SCN4B: variants seen among roughly 807,000 people sequenced by gnomAD.
The protein encoded by SCN4B is sodium voltage-gated channel beta subunit 4, also known as sodium channel regulatory subunit beta-4.
In SCN4B, 20 loss-of-function variants were observed where a neutral mutation model predicts 19.6. The observed-to-expected ratio is 1.02, with a 90% CI of 0.72 to 1.48. The LOEUF (loss-of-function observed/expected upper bound fraction) is 1.48, where lower values mean the gene tolerates loss of function less well. Among genes scored for constraint, SCN4B ranks in the 40% most tolerant of loss-of-function variants. The pLI, the probability that SCN4B is intolerant of heterozygous loss-of-function variation, is 0.00. For missense variants in SCN4B, 271 were observed against 287.5 expected, an observed-to-expected ratio of 0.94 and a Z score of 0.42; for synonymous variants, 127 against 122.8, an observed-to-expected ratio of 1.03 and a Z score of -0.22.
rs1331545083 is a variant in SCN4B at position 118,136,734 on chromosome 11, C to G, written c.*293G>C. On this transcript the variant is annotated 3_prime_UTR_variant, in exon 5 of 5. Coordinates refer to ENST00000324727, the MANE Select transcript of SCN4B (RefSeq NM_174934.4). ...GCAGGGTAGGGAGACTGAAGGAGAC[C>G]CCATCTGCCCAGGTGTCAGGGGACC... The G allele has an allele frequency of 1.8e-6, 1 of 549,416 alleles. No individual in the cohort carries two copies. Among genetic ancestry groups the G allele is most frequent in the East Asian group, 4.4e-5 (1 of 22,972 alleles). 34.0% of individuals were successfully genotyped at this position (549,416 alleles called of 1,614,324 possible).
intron 1 of SCN4B, 175 bp from the exon 2 acceptor site, chr11:118,145,404 T>G: frequency 2.0e-6 from 3 of 1,525,848 alleles, no homozygotes; most frequent in Non-Finnish European, 1.8e-6. Flanking sequence ...CCACCCTCCA[T>G]CATTCTCCAT....
At chr11:118,140,486 G>A (rs1948081290) in intron 4 of SCN4B, among the ~76,000 whole-genome samples, 2 of 152,188 alleles carry the variant, frequency 1.3e-5, no homozygotes, top group African/African-American at 4.8e-5. Context: ...GTTCCAATGG[G>A]AAGCCATCTC....
rs375422325 is a variant in SCN4B, at chr11:118,148,372, G to T, written c.62-3143C>A. ...TCCTATGAGGCTGCTCTGGGGGAGAGGGGGGAACCAGGGGCAGGTGTTGGT... is the reference window on the plus strand; with the variant it reads ...TCCTATGAGGCTGCTCTGGGGGAGATGGGGGAACCAGGGGCAGGTGTTGGT... On this transcript the variant is annotated intron_variant, in intron 1 of 4. Coordinates refer to ENST00000324727, the MANE Select transcript of SCN4B (RefSeq NM_174934.4). The surrounding 1 kb of genome is among the most constrained non-coding windows in gnomAD (Gnocchi z 4.0). Among the ~76,000 whole-genome samples the T allele has an allele frequency of 1.8e-3, 270 of 152,302 alleles. 1 individual carries two copies. The highest frequency in any genetic ancestry group is 6.1e-3 in the African/African-American group (255 of 41,556).
chr11:118,148,617 C>T lies in SCN4B; in HGVS notation c.62-3388G>A, dbSNP rs973288971. Among the ~76,000 whole-genome samples, 2 of 152,158 alleles carry T rather than the reference C, an allele frequency of 1.3e-5. No homozygotes were observed. Among genetic ancestry groups the T allele is most frequent in the Admixed American group, 6.5e-5 (1 of 15,280 alleles). On this transcript the variant is annotated intron_variant, in intron 1 of 4. Transcript: ENST00000324727. The surrounding 1 kb of genome is among the most constrained non-coding windows in gnomAD (Gnocchi z 4.0). The stretch of plus-strand genomic sequence containing the variant: ...GATTATAAAACACAAGAGGGGCCGC[C>T]GTGAGTGGGCACCCTGCAGGTAGAG...
In SCN4B at chr11:118,136,715, T is replaced by C. The variant is rs1365094304; in HGVS notation, c.*312A>G. 1.9e-6 allele frequency: 1 copy of C among 517,096 alleles called. No homozygotes were observed. The highest frequency in any genetic ancestry group is 1.5e-5 in the South Asian group (1 of 65,026). The allele number at this position is 517,096 out of a possible 1,614,324, so 32.0% of individuals were successfully genotyped here. A position where few individuals can be genotyped will look rare whatever the true frequency, so the allele number is the denominator to read the frequency against. On this transcript the variant is annotated 3_prime_UTR_variant, in exon 5 of 5. Transcript: ENST00000324727. ...AAATCAAGGCCCTGCTTGTGCAGGG[T>C]AGGGAGACTGAAGGAGACCCCATCT...
Position 118,136,855 on chromosome 11 carries a change from T to G in SCN4B, c.*172A>C. On this transcript the variant is annotated 3_prime_UTR_variant, in exon 5 of 5. Coordinates refer to ENST00000324727, the MANE Select transcript of SCN4B (RefSeq NM_174934.4). The stretch of plus-strand genomic sequence containing the variant: ...TCCCTTGTCCCTGGGGAGCCCTGAC[T>G]GGGAAGGGGATGGGCAGGCTGGGCA... The G allele has an allele frequency of 1.4e-6, 1 of 691,368 alleles. No homozygotes were observed. The highest frequency in any genetic ancestry group is 2.7e-6 in the Non-Finnish European group (1 of 377,308). 42.8% of individuals were successfully genotyped at this position (691,368 alleles called of 1,614,324 possible).
In SCN4B at chr11:118,152,709, G is replaced by C. The variant is rs144902867; in HGVS notation, c.-36C>G. ...TCTCCGGAGCGCGCGGGGGTCGCGG[G>C]GATGGGATACTGGGCACAGCCGCGC... On this transcript the variant is annotated 5_prime_UTR_variant, in exon 1 of 5. Coordinates refer to ENST00000324727, the MANE Select transcript of SCN4B (RefSeq NM_174934.4). The C allele has an allele frequency of 5.8e-5, 91 of 1,557,214 alleles. No individual in the cohort carries two copies. The highest frequency in any genetic ancestry group is 7.2e-5 in the Non-Finnish European group (82 of 1,138,578).
rs752829551 is a variant in SCN4B, at chr11:118,145,173, C to T, written c.118G>A (p.Asp40Asn). The change falls in exon 2 of 5, where the codon GAC becomes AAC. Residue 40 changes from aspartate (D) to asparagine (N), a missense_variant. Asp to Asn is a conservative substitution (Grantham distance 23). Transcript: ENST00000324727. Reference protein sequence around the residue: ...SLEVSVGKATDIYAVNGTEIL... With the variant: ...SLEVSVGKATNIYAVNGTEIL... ...TCCGTGCCATTGACAGCGTAGATGT[C>T]GGTGGCCTTTCCCACAGACACCTCC... 1.2e-6 allele frequency: 2 copies of T among 1,614,068 alleles called. No individual in the cohort carries two copies. The highest frequency in any genetic ancestry group is 1.1e-5 in the South Asian group (1 of 91,064).
At chr11:118,139,137 G>A (rs1304716328) in intron 4 of SCN4B, among the ~76,000 whole-genome samples, 3 of 152,198 alleles carry the variant, frequency 2.0e-5, no homozygotes, top group East Asian at 3.9e-4. Context: ...GTCCCCAAGT[G>A]TCTGTCCCCA....
Position 118,136,138 on chromosome 11 carries a change from C to T in SCN4B, c.*889G>A, listed in dbSNP as rs113579428. The T allele has an allele frequency of 0.011, 4,913 of 450,230 alleles. 47 individuals are homozygous for T. The highest frequency in any genetic ancestry group is 0.016 in the Non-Finnish European group (3,507 of 225,998). 27.9% of individuals were successfully genotyped at this position (450,230 alleles called of 1,614,324 possible). On this transcript the variant is annotated 3_prime_UTR_variant, in exon 5 of 5. Transcript: ENST00000324727. ...CTGGGCTCAGGAGTGCCCAGAGTGGCGATGGTCCTGCCATGCCAGGGGAGG... is the reference window on the plus strand; with the variant it reads ...CTGGGCTCAGGAGTGCCCAGAGTGGTGATGGTCCTGCCATGCCAGGGGAGG...
chr11:118,144,452 A>AAG (rs1948142765), intron 2 of SCN4B, among the ~76,000 whole-genome samples: 2 of 152,054 alleles, frequency 1.3e-5, no homozygotes, highest in South Asian at 4.1e-4. Context: ...GCCCCCTGTC[A>AAG]AGACCTGGAT....
intron 1 of SCN4B, among the ~76,000 whole-genome samples, chr11:118,151,153 T>A (rs1479036684): frequency 1.5e-5 from 2 of 134,888 alleles, no homozygotes; most frequent in African/African-American, 6.0e-5. Flanking sequence ...CACACACACA[T>A]CATTTTCAGG....
chr11:118,136,035 G>GGT lies in SCN4B; in HGVS notation c.*990_*991dup, dbSNP rs1947992935. The GGT allele has an allele frequency of 7.8e-6, 3 of 382,556 alleles. No individual in the cohort carries two copies. Among genetic ancestry groups the GGT allele is most frequent in the East Asian group, 1.5e-4 (2 of 13,656 alleles). The allele number at this position is 382,556 out of a possible 1,614,324, so 23.7% of individuals were successfully genotyped here. ...GGGGGCAGGGCGTGATGGAGGGCAC[G>GGT]GTGGGGGGGGGGGAGCGAGCCAATG... On this transcript the variant is annotated 3_prime_UTR_variant, in exon 5 of 5. Coordinates refer to ENST00000324727, the MANE Select transcript of SCN4B (RefSeq NM_174934.4).
At position 118,134,533 on chromosome 11, in the gene SCN4B, A is replaced by C. The variant is rs1195929820; in HGVS notation, c.*2494T>G. 4 of 454,128 alleles carry C rather than the reference A, an allele frequency of 8.8e-6. No individual in the cohort carries two copies. The highest frequency in any genetic ancestry group is 6.2e-5 in the South Asian group (4 of 64,484). 28.1% of individuals were successfully genotyped at this position (454,128 alleles called of 1,614,324 possible). The stretch of plus-strand genomic sequence containing the variant: ...AGCATTCTTAGTAGTGCCCCCACGC[A>C]TGGGGGCAACCAAAAATGCCCCCCC... On this transcript the variant is annotated 3_prime_UTR_variant, in exon 5 of 5. Coordinates refer to ENST00000324727, the MANE Select transcript of SCN4B (RefSeq NM_174934.4).
chr11:118,142,728 A>AG (rs1591435303), intron 3 of SCN4B: 1 of 152,226 alleles, frequency 6.6e-6, no homozygotes, highest in African/African-American at 2.4e-5. Flanking sequence ...ATCCACCTCA[A>AG]GGGAGCTGGT....
At chr11:118,146,163 C>T (rs924598094) in intron 1 of SCN4B, among the ~76,000 whole-genome samples, 2 of 152,164 alleles carry the variant, frequency 1.3e-5, no homozygotes, top group African/African-American at 4.8e-5. Context: ...TCCCCGAGCG[C>T]CCCCAGGCTT....
Position 118,136,969 on chromosome 11 carries a change from G to T in SCN4B, c.*58C>A. On this transcript the variant is annotated 3_prime_UTR_variant, in exon 5 of 5. Coordinates refer to ENST00000324727, the MANE Select transcript of SCN4B (RefSeq NM_174934.4). ...CGTGGGTTCTACGGTCGGGGCTCAAGCATCAGTTTCATCATCAGAAAGGGG... is the reference window on the plus strand; with the variant it reads ...CGTGGGTTCTACGGTCGGGGCTCAATCATCAGTTTCATCATCAGAAAGGGG... 1 of 1,192,090 alleles carries T rather than the reference G, an allele frequency of 8.4e-7. No homozygotes were observed. The highest frequency in any genetic ancestry group is 1.3e-6 in the Non-Finnish European group (1 of 799,490). The allele number at this position is 1,192,090 out of a possible 1,614,324, so 73.8% of individuals were successfully genotyped here.
At position 118,136,995 on chromosome 11, in the gene SCN4B, G is replaced by A; in HGVS notation, c.*32C>T. The A allele has an allele frequency of 2.1e-6, 3 of 1,455,318 alleles. No homozygotes were observed. Among genetic ancestry groups the A allele is most frequent in the South Asian group, 2.3e-5 (2 of 87,504 alleles). The allele number at this position is 1,455,318 out of a possible 1,614,324, so 90.2% of individuals were successfully genotyped here. ...CATCAGTTTCATCATCAGAAAGGGGGCTCCCTGCAGCTGCTCAGCCCGAAG... is the reference window on the plus strand; with the variant it reads ...CATCAGTTTCATCATCAGAAAGGGGACTCCCTGCAGCTGCTCAGCCCGAAG... On this transcript the variant is annotated 3_prime_UTR_variant, in exon 5 of 5. Transcript: ENST00000324727.
rs530184831 is a variant in SCN4B at position 118,136,614 on chromosome 11, C to A, written c.*413G>T. The A allele has an allele frequency of 2.2e-6, 1 of 455,708 alleles. No homozygotes were observed. The highest frequency in any genetic ancestry group is 4.4e-6 in the Non-Finnish European group (1 of 227,938). The allele number at this position is 455,708 out of a possible 1,614,324, so 28.2% of individuals were successfully genotyped here. Reference sequence around the variant, plus strand: ...CCAAAGGAAGCCACTTCTTCCTACACCCCATCTCCAGGGTGCAGCTCTTAG... The same window carrying A: ...CCAAAGGAAGCCACTTCTTCCTACAACCCATCTCCAGGGTGCAGCTCTTAG... On this transcript the variant is annotated 3_prime_UTR_variant, in exon 5 of 5. Transcript: ENST00000324727.
Sources: gnomAD v4.1 joint callset for allele counts (sites outside exome capture counted in the v4.1 genomes callset) on GRCh38, gnomAD v4.1.1 for gene constraint, Gnocchi (gnomAD v3.1) non-coding constraint, MANE v1.5 for transcripts, NCBI Gene and HGNC (gene_info 2026-07-23, HGNC 2026-07-21) for gene names.